ZNF521: variants seen among roughly 807,000 people sequenced by gnomAD.
ZNF521 encodes the protein zinc finger protein 521.
In ZNF521, 14 loss-of-function variants were observed where a neutral mutation model predicts 105.5. The ratio of observed to expected loss-of-function variants is 0.13; its 90% confidence interval spans 0.09 to 0.21. The LOEUF is 0.21. ZNF521 is among the 10% of genes least tolerant of loss of function. The pLI, the probability that ZNF521 is intolerant of heterozygous loss-of-function variation, is 1.00. For missense variants in ZNF521, 1,233 were observed against 1,629.7 expected (o/e 0.76, Z 4.19); for synonymous variants, 635 against 606.0 (o/e 1.05, Z -0.70).
At chr18:25,267,458 C>A (rs932129959) in intron 3 of ZNF521, among the ~76,000 whole-genome samples, 5 of 152,154 alleles carry the variant, frequency 3.3e-5, no homozygotes, top group Admixed American at 2.0e-4. Context: ...CAAGGGGGTC[C>A]CTGACCCCTG....
At chr18:25,075,171 C>A (rs549950779) in intron 7 of ZNF521, among the ~76,000 whole-genome samples, 1 of 152,264 alleles carries the variant, frequency 6.6e-6, no homozygotes, top group African/African-American at 2.4e-5. Flanking sequence ...TCTAATCAGT[C>A]CTCAAAGGAA....
At chr18:25,089,318 G>A in intron 7 of ZNF521, 147 bp downstream of exon 7, 2 of 623,792 alleles carry the variant, frequency 3.2e-6, no homozygotes, top group East Asian at 2.8e-5. Flanking sequence ...ATTAATCCAG[G>A]CTCTAATTTT....
At chr18:25,351,313 G>C (rs556230400) in intron 1 of ZNF521, 1 of 149,072 alleles carries the variant, frequency 6.7e-6, no homozygotes, top group Non-Finnish European at 1.5e-5. Context: ...AGAGCCGTCA[G>C]CTACACTAAA....
chr18:25,221,203 G>C (rs114612859), intron 4 of ZNF521, among the ~76,000 whole-genome samples: 1 of 152,164 alleles, frequency 6.6e-6, no homozygotes, highest in African/African-American at 2.4e-5. Flanking sequence ...GAAGAAATGG[G>C]ATTCAAACTC....
intron 3 of ZNF521, among the ~76,000 whole-genome samples, chr18:25,287,562 C>T (rs898121504): frequency 6.6e-6 from 1 of 151,704 alleles, no homozygotes; most frequent in Admixed American, 6.6e-5. Flanking sequence ...GACATAAAAA[C>T]CCTCTTTATG....
chr18:25,252,447 T>C (rs926945972), intron 3 of ZNF521, among the ~76,000 whole-genome samples: 29 of 152,158 alleles, frequency 1.9e-4, no homozygotes, highest in Non-Finnish European at 3.7e-4. Flanking sequence ...AGGTTCTGAT[T>C]CATAAACACT....
intron 5 of ZNF521, among the ~76,000 whole-genome samples, chr18:25,184,054 C>T (rs555370099): frequency 4.6e-5 from 7 of 152,144 alleles, no homozygotes; most frequent in African/African-American, 1.4e-4. Context: ...TGATACAGCA[C>T]ACATATTCAT....
At chr18:25,121,983 T>A (rs1330874145) in intron 5 of ZNF521, among the ~76,000 whole-genome samples, 1 of 151,830 alleles carries the variant, frequency 6.6e-6, no homozygotes, top group East Asian at 1.9e-4. Context: ...AAGCAAAAAA[T>A]CAATCAATAT....
At chr18:25,322,560 C>T (rs1259851119) in intron 2 of ZNF521, among the ~76,000 whole-genome samples, 4 of 145,932 alleles carry the variant, frequency 2.7e-5, no homozygotes, top group African/African-American at 1.0e-4. Flanking sequence ...AAAACCCCCC[C>T]ACTGTGCTTA....
At chr18:25,065,201 G>A (rs2033023739) in intron 7 of ZNF521, among the ~76,000 whole-genome samples, 1 of 152,026 alleles carries the variant, frequency 6.6e-6, no homozygotes, top group Non-Finnish European at 1.5e-5. Context: ...CAAAAACAAT[G>A]ACCAAATAAG....
chr18:25,275,351 C>T (rs1222050332), intron 3 of ZNF521, among the ~76,000 whole-genome samples: 3 of 152,130 alleles, frequency 2.0e-5, no homozygotes, highest in African/African-American at 7.2e-5. Flanking sequence ...GACAAATAAG[C>T]ATGTTTTACT....
At chr18:25,149,382 T>G (rs2035004515) in intron 5 of ZNF521, among the ~76,000 whole-genome samples, 1 of 152,222 alleles carries the variant, frequency 6.6e-6, no homozygotes, top group Non-Finnish European at 1.5e-5. Flanking sequence ...AAATTTGCTT[T>G]GATAACCAGA....
At chr18:25,113,326 C>A (rs1440679736) in intron 5 of ZNF521, among the ~76,000 whole-genome samples, 2 of 152,148 alleles carry the variant, frequency 1.3e-5, no homozygotes, top group African/African-American at 4.8e-5. Context: ...CATCCACCCC[C>A]AAGCCTTCAG....
intron 5 of ZNF521, among the ~76,000 whole-genome samples, chr18:25,178,562 T>C (rs1226007721): frequency 6.6e-6 from 1 of 152,230 alleles, no homozygotes; most frequent in Non-Finnish European, 1.5e-5. Context: ...CTTTGTTGCC[T>C]ATTTCCCACC....
chr18:25,318,565 T>C (rs886615733), intron 3 of ZNF521, among the ~76,000 whole-genome samples: 3 of 152,198 alleles, frequency 2.0e-5, no homozygotes, highest in Non-Finnish European at 2.9e-5. Context: ...ACTTACTGTA[T>C]ATTCTAGGCT....
chr18:25,160,585 G>A (rs1228038954), intron 5 of ZNF521, among the ~76,000 whole-genome samples: 5 of 152,032 alleles, frequency 3.3e-5, no homozygotes, highest in Admixed American at 2.0e-4. Context: ...TACTATCTTC[G>A]TTGTCAGGTT....
At chr18:25,064,525 T>C (rs1475961056) in intron 7 of ZNF521, among the ~76,000 whole-genome samples, 1 of 152,208 alleles carries the variant, frequency 6.6e-6, no homozygotes, top group Non-Finnish European at 1.5e-5. Flanking sequence ...TGGAGCTGGT[T>C]TGGGGCAAGA....
At chr18:25,218,373 A>C (rs889531028) in intron 4 of ZNF521, among the ~76,000 whole-genome samples, 1 of 151,516 alleles carries the variant, frequency 6.6e-6, no homozygotes, top group East Asian at 1.9e-4. Flanking sequence ...CAAGAAAAAC[A>C]GTTGGCTGGG....
intron 5 of ZNF521, among the ~76,000 whole-genome samples, chr18:25,101,216 C>T (rs1346608455): frequency 6.6e-6 from 1 of 152,050 alleles, no homozygotes; most frequent in Non-Finnish European, 1.5e-5. Flanking sequence ...TGTGTGGGTC[C>T]ACTTACCTGC....
Sources: allele counts gnomAD v4.1 joint callset (sites outside exome capture counted in the v4.1 genomes callset), GRCh38; gene constraint gnomAD v4.1.1; transcripts MANE v1.5; gene names NCBI Gene and HGNC (gene_info 2026-07-23, HGNC 2026-07-21).